ENDOD1: variants seen among roughly 807,000 people sequenced by gnomAD.
The protein encoded by ENDOD1 is endonuclease domain-containing 1 protein.
Under a neutral mutation model 6.5 loss-of-function variants are expected in ENDOD1, and 9 were observed. The ratio of observed to expected loss-of-function variants is 1.39; its 90% CI spans 0.84 to 2.43. The LOEUF is 2.43. Among genes scored for constraint, ENDOD1 ranks in the 30% most tolerant of loss-of-function variants. ENDOD1 has a pLI of 0.00. For missense variants in ENDOD1, 648 were observed against 635.5 expected, an observed-to-expected ratio of 1.02 and a Z score of -0.21; for synonymous variants, 255 against 255.2, an observed-to-expected ratio of 1.00 and a Z score of 0.01.
intron 1 of ENDOD1, among the ~76,000 whole-genome samples, chr11:95,121,581 C>T (rs1348837458): frequency 6.6e-6 from 1 of 152,094 alleles, no homozygotes; most frequent in Non-Finnish European, 1.5e-5. Context: ...TCATTGTTTT[C>T]CTTACATGCA....
In ENDOD1 at chr11:95,131,377, G is replaced by T. The variant is rs895913135; in HGVS notation, c.*1798G>T. The T allele has an allele frequency of 1.3e-5, 2 of 152,172 alleles. No individual in the cohort carries two copies. The highest frequency in any genetic ancestry group is 4.8e-5 in the African/African-American group (2 of 41,428). The allele number at this position is 152,172 out of a possible 1,614,324, so 9.4% of individuals were successfully genotyped here. On this transcript the variant is annotated 3_prime_UTR_variant, in exon 2 of 2. Transcript: ENST00000278505. ...CAAGAATCCTGCTGGATAAAGAAAA[G>T]GAATTTTAGAAGTGACCAGAGGGAC... is the stretch of plus-strand genomic sequence containing the variant.
At chr11:95,099,809 G>A (rs1159062731) in intron 1 of ENDOD1, among the ~76,000 whole-genome samples, 1 of 152,180 alleles carries the variant, frequency 6.6e-6, no homozygotes, top group African/African-American at 2.4e-5. Flanking sequence ...TTGTGAGATG[G>A]CAGCACTGGT....
chr11:95,117,568 T>A (rs1555112598), intron 1 of ENDOD1, among the ~76,000 whole-genome samples: 1 of 152,232 alleles, frequency 6.6e-6, no homozygotes, highest in African/African-American at 2.4e-5. Context: ...TTGTCTGATA[T>A]AAGCATAGTG....
chr11:95,099,641 T>A (rs183854523), intron 1 of ENDOD1, among the ~76,000 whole-genome samples: 1 of 152,252 alleles, frequency 6.6e-6, no homozygotes, highest in Admixed American at 6.5e-5. Context: ...GAGGAGGGAC[T>A]TTGCTCTAAC....
chr11:95,102,122 C>T (rs149639172), intron 1 of ENDOD1, among the ~76,000 whole-genome samples: 37 of 152,066 alleles, frequency 2.4e-4, no homozygotes, highest in South Asian at 8.3e-4. Flanking sequence ...CTGGTCTGCC[C>T]GAAGTCACAA....
In ENDOD1 at chr11:95,090,240, G is replaced by C. The variant is rs576607235; in HGVS notation, c.300+13G>C. On this transcript the variant is annotated intron_variant, in intron 1 of 1. Transcript: ENST00000278505. ...GGTGGAGCCGCAGGTAAGCGAAGTG[G>C]TTCCCGAGCCGGGCTGCGGGCGCCG... 2.2e-6 allele frequency: 3 copies of C among 1,368,328 alleles called. No homozygotes were observed. Among genetic ancestry groups the C allele is most frequent in the Non-Finnish European group, 1.9e-6 (2 of 1,056,102 alleles). The allele number at this position is 1,368,328 out of a possible 1,614,324, so 84.8% of individuals were successfully genotyped here.
At position 95,111,777 on chromosome 11, in the gene ENDOD1, A is replaced by T. The variant is rs181949072; in HGVS notation, c.301-16600A>T. On this transcript the variant is annotated intron_variant, in intron 1 of 1. Coordinates refer to ENST00000278505, the MANE Select transcript of ENDOD1 (RefSeq NM_015036.3). ...CTGCTGTGTGGACCAGTACTGGTCC[A>T]TGGCCCTGGGGTTGGAGACCCCTGC... Among the ~76,000 whole-genome samples, 53 of 152,298 alleles carry T rather than the reference A, an allele frequency of 3.5e-4. 1 individual carries two copies. Among genetic ancestry groups the T allele is most frequent in the Admixed American group, 3.1e-3 (48 of 15,294 alleles).
chr11:95,124,504 G>A lies in ENDOD1; in HGVS notation c.301-3873G>A, dbSNP rs75756398. The stretch of plus-strand genomic sequence containing the variant: ...AAGAATATAGTAAACATGGATATGA[G>A]GTTCTGAAGAAAGCAGGGGAAGGGG... On this transcript the variant is annotated intron_variant, in intron 1 of 1. Coordinates refer to ENST00000278505, the MANE Select transcript of ENDOD1 (RefSeq NM_015036.3). Among the ~76,000 whole-genome samples the A allele has an allele frequency of 7.2e-3, 1,097 of 152,234 alleles. 18 individuals carry two copies. Among genetic ancestry groups the A allele is most frequent in the African/African-American group, 0.025 (1,047 of 41,466 alleles).
rs1020401782 is a variant in ENDOD1, at chr11:95,090,203, G to A, written c.276G>A (p.Glu92=). 1.0e-4 allele frequency: 141 copies of A among 1,409,106 alleles called. No individual in the cohort carries two copies. The highest frequency in any genetic ancestry group is 1.2e-4 in the Non-Finnish European group (133 of 1,067,096). The allele number at this position is 1,409,106 out of a possible 1,614,324, so 87.3% of individuals were successfully genotyped here. ...RAPRPAPGGA[E]QRWLVEPQID... ...CGCGCCCTGCGCCCGGCGGCGCCGA[G>A]CAGCGATGGCTGGTGGAGCCGCAGG... is the stretch of plus-strand genomic sequence containing the variant. The change falls in exon 1 of 2, where the codon GAG becomes GAA. Residue 92 remains glutamate, a synonymous_variant. Transcript: ENST00000278505.
chr11:95,126,855 A>AT (rs1859316951), intron 1 of ENDOD1, among the ~76,000 whole-genome samples: 5 of 147,790 alleles, frequency 3.4e-5, no homozygotes, highest in African/African-American at 1.2e-4. Flanking sequence ...TAATTTTTTG[A>AT]ATTTTTTTTT....
intron 1 of ENDOD1, among the ~76,000 whole-genome samples, chr11:95,096,227 C>CTTTTTTTTTTTTTTTTTTTTTTTTTTT (rs10660230): frequency 2.0e-5 from 1 of 49,964 alleles, no homozygotes; most frequent in African/African-American, 8.3e-5. Context: ...GTCAAGAAAG[C>CTTTTTTTTTTTTTTTTTTTTTTTTTTT]TTTTTTTTTT....
At chr11:95,090,333 C>G in intron 1 of ENDOD1, 106 bp downstream of exon 1, 1 of 1,315,564 alleles carries the variant, frequency 7.6e-7, no homozygotes, top group Middle Eastern at 2.8e-4. Context: ...ACAGCAATCC[C>G]TACGCCTTCG....
intron 1 of ENDOD1, among the ~76,000 whole-genome samples, chr11:95,113,287 G>A (rs74503289): frequency 0.019 from 2,922 of 152,048 alleles, 102 homozygotes; most frequent in African/African-American, 0.066. Context: ...CAGTTAAAGC[G>A]TTATTGACTA....
In ENDOD1 at chr11:95,090,143, G is replaced by A. The variant is rs1565441982; in HGVS notation, c.216G>A (p.Arg72=). ...GCTTCGCCACCCTCTACAGCACCCG[G>A]GACCGCATCCCCGTGTACTCCGCGT... ...AERFATLYST[R]DRIPVYSAFR... The change falls in exon 1 of 2, where the codon CGG becomes CGA. Residue 72 remains arginine, a synonymous_variant. Coordinates refer to ENST00000278505, the MANE Select transcript of ENDOD1 (RefSeq NM_015036.3). The A allele has an allele frequency of 1.3e-6, 2 of 1,522,654 alleles. No homozygotes were observed. Among genetic ancestry groups the A allele is most frequent in the Middle Eastern group, 1.8e-4 (1 of 5,504 alleles). The allele number at this position is 1,522,654 out of a possible 1,614,324, so 94.3% of individuals were successfully genotyped here. A position where few individuals can be genotyped will look rare whatever the true frequency, so the allele number is the denominator to read the frequency against.
chr11:95,128,997 C>A lies in ENDOD1; in HGVS notation c.921C>A (p.Ser307Arg). The A allele has an allele frequency of 6.2e-7, 1 of 1,613,964 alleles. No homozygotes were observed. Among genetic ancestry groups the A allele is most frequent in the African/African-American group, 1.3e-5 (1 of 75,026 alleles). Residue 307 changes from serine to arginine, a missense_variant, in exon 2 of 2, where the codon AGC becomes AGA. Ser to Arg is a moderately radical substitution (Grantham distance 110, BLOSUM62 -1). Transcript: ENST00000278505. ...AAAAGAGTTCTAGTCCCCTTTCTAG[C>A]ACCAGGAGCAAGAGGTCTACTCTGT... ...QSQKSSSPLS[S>R]TRSKRSTLLP...
At chr11:95,098,604 C>T (rs563610917) in intron 1 of ENDOD1, among the ~76,000 whole-genome samples, 92 of 152,028 alleles carry the variant, frequency 6.1e-4, no homozygotes, top group Non-Finnish European at 7.5e-4. Flanking sequence ...ACTCTGAGTG[C>T]GAGATACCTT....
At chr11:95,100,658 T>C (rs1859029598) in intron 1 of ENDOD1, among the ~76,000 whole-genome samples, 1 of 151,500 alleles carries the variant, frequency 6.6e-6, no homozygotes, top group South Asian at 2.1e-4. Flanking sequence ...TAATTTTATG[T>C]ATTTTTTTTT....
intron 1 of ENDOD1, among the ~76,000 whole-genome samples, chr11:95,118,362 T>C (rs1042667293): frequency 2.0e-5 from 3 of 152,244 alleles, no homozygotes; most frequent in African/African-American, 7.2e-5. Flanking sequence ...TGCTAAAATC[T>C]CTCAGCTTTT....
chr11:95,104,797 T>C (rs1859074182), intron 1 of ENDOD1, among the ~76,000 whole-genome samples: 1 of 152,206 alleles, frequency 6.6e-6, no homozygotes, highest in Non-Finnish European at 1.5e-5. Flanking sequence ...AGGGTCTTTT[T>C]CCTACCCTGT....
Sources: allele counts gnomAD v4.1 joint callset (sites outside exome capture counted in the v4.1 genomes callset), GRCh38; gene constraint gnomAD v4.1.1; transcripts MANE v1.5; gene names NCBI Gene and HGNC (gene_info 2026-07-23, HGNC 2026-07-21).